Variants in DEPTOR observed in about 807,000 individuals in gnomAD.
DEPTOR encodes the protein DEP domain containing MTOR interacting protein, also known as DEP domain-containing mTOR-interacting protein.
DEPTOR carries 41 observed loss-of-function variants against 41.6 expected under a neutral mutation model. The ratio of observed to expected loss-of-function variants is 0.98; its 90% CI spans 0.77 to 1.28. The LOEUF is 1.28. Among genes scored for constraint, DEPTOR ranks in the 50% most tolerant of loss-of-function variants. DEPTOR has a pLI of 0.00. For missense variants in DEPTOR, 514 were observed against 527.9 expected (o/e 0.97, Z 0.26); for synonymous variants, 195 against 192.3 (o/e 1.01, Z -0.12).
At chr8:119,932,516 A>C (rs1417543337) in intron 3 of DEPTOR, among the ~76,000 whole-genome samples, 4 of 152,182 alleles carry the variant, frequency 2.6e-5, no homozygotes, top group Non-Finnish European at 5.9e-5. Flanking sequence ...GTCACACAGC[A>C]CTGTGTATCT....
chr8:119,993,525 A>G (rs1332666239), intron 4 of DEPTOR, among the ~76,000 whole-genome samples: 1 of 152,224 alleles, frequency 6.6e-6, no homozygotes. Context: ...GGAACATTAG[A>G]TATTGAATGT....
rs1827195916 is a variant in DEPTOR, at chr8:119,873,852, G to A, written c.6G>A (p.Glu2=). ...AGCCGCACGGCCCTAAAACCATGGA[G>A]GAGGGCGGCAGCACTGGCAGTGCTG... The part of the protein sequence containing the change: M[E]EGGSTGSAGS... The change falls in exon 1 of 9, where the codon GAG becomes GAA. Residue 2 remains glutamate, a synonymous_variant. Transcript: ENST00000286234. The A allele has an allele frequency of 6.2e-7, 1 of 1,613,154 alleles. No homozygotes were observed. The highest frequency in any genetic ancestry group is 1.1e-5 in the South Asian group (1 of 91,030).
At position 119,903,705 on chromosome 8, in the gene DEPTOR, C is replaced by T. The variant is rs184705267; in HGVS notation, c.123-24695C>T. ...AATCCAGACTGACTCCTCTGGAGAC[C>T]GAGTGGCCTCTGAGGTAACCTACAG... On this transcript the variant is annotated intron_variant, in intron 1 of 8. Coordinates refer to ENST00000286234, the MANE Select transcript of DEPTOR (RefSeq NM_022783.4). Among the ~76,000 whole-genome samples, 373 of 152,234 alleles carry T rather than the reference C, an allele frequency of 2.5e-3. 2 individuals carry two copies. The highest frequency in any genetic ancestry group is 8.0e-3 in the African/African-American group (331 of 41,542).
intron 8 of DEPTOR, among the ~76,000 whole-genome samples, chr8:120,045,206 A>G (rs909597307): frequency 3.0e-4 from 46 of 152,274 alleles, no homozygotes; most frequent in Admixed American, 3.0e-3. Flanking sequence ...GTGGGAACGC[A>G]AGGGAGTGAG....
intron 4 of DEPTOR, among the ~76,000 whole-genome samples, chr8:119,989,397 G>A (rs1394950771): frequency 6.6e-6 from 1 of 152,186 alleles, no homozygotes. Flanking sequence ...CCACTCTCTT[G>A]TTTTGCAAGC....
chr8:119,885,302 G>A (rs570266360), intron 1 of DEPTOR, among the ~76,000 whole-genome samples: 61 of 152,270 alleles, frequency 4.0e-4, no homozygotes, highest in African/African-American at 1.3e-3. Flanking sequence ...AGTGTGAAAT[G>A]CCCCTTAATC....
chr8:119,896,507 T>TGTTTG lies in DEPTOR; in HGVS notation c.122+22543_122+22544insGGTTT, dbSNP rs557200441. ...TCTTTGTTTCTTTGTGTTTTTGTTT[T>TGTTTG]GTTTTGTTTTGAGCCTGAGTCTCGC... On this transcript the variant is annotated intron_variant, in intron 1 of 8. Coordinates refer to ENST00000286234, the MANE Select transcript of DEPTOR (RefSeq NM_022783.4). Among the ~76,000 whole-genome samples the TGTTTG allele has an allele frequency of 2.8e-3, 381 of 137,492 alleles. 2 individuals are homozygous for TGTTTG. Among genetic ancestry groups the TGTTTG allele is most frequent in the African/African-American group, 0.01 (355 of 34,496 alleles). The allele number at this position is 137,492 out of a possible 152,430, so 90.2% of individuals were successfully genotyped here. A position where few individuals can be genotyped will look rare whatever the true frequency, so the allele number is the denominator to read the frequency against.
intron 3 of DEPTOR, among the ~76,000 whole-genome samples, chr8:119,931,203 A>G (rs779341713): frequency 1.2e-4 from 18 of 151,930 alleles, no homozygotes; most frequent in Non-Finnish European, 1.0e-4. Context: ...AGAGTGAGAC[A>G]TCATCTCAAA....
At chr8:119,961,810 A>T (rs1673088004) in intron 3 of DEPTOR, among the ~76,000 whole-genome samples, 1 of 152,224 alleles carries the variant, frequency 6.6e-6, no homozygotes, top group Admixed American at 6.5e-5. Context: ...TATTATTATT[A>T]GTTTCAAAGG....
At chr8:119,965,450 C>G in intron 4 of DEPTOR, 40 bp downstream of exon 4, 1 of 1,594,438 alleles carries the variant, frequency 6.3e-7, no homozygotes, top group South Asian at 1.1e-5. Flanking sequence ...GAACAAACAG[C>G]CAGCCCCAAA....
chr8:119,886,205 T>A (rs1311098983), intron 1 of DEPTOR, among the ~76,000 whole-genome samples: 1 of 152,220 alleles, frequency 6.6e-6, no homozygotes, highest in Non-Finnish European at 1.5e-5. Flanking sequence ...AGCTCCTTCA[T>A]GTGCCAGCTC....
intron 3 of DEPTOR, among the ~76,000 whole-genome samples, chr8:119,946,447 T>A (rs1586627309): frequency 6.7e-6 from 1 of 150,192 alleles, no homozygotes; most frequent in Non-Finnish European, 1.5e-5. Flanking sequence ...TTTTTTTTTT[T>A]AATGTTCTCT....
chr8:119,994,502 C>G (rs546497479), intron 4 of DEPTOR, among the ~76,000 whole-genome samples: 1 of 152,276 alleles, frequency 6.6e-6, no homozygotes, highest in East Asian at 1.9e-4. Context: ...GTCAACTTCT[C>G]AAGTTTGAAT....
rs539950904 is a variant in DEPTOR, at chr8:119,940,697, G to A, written c.425+10759G>A. ...GGAGGTTGCAGTGAGCCGAAATCGC[G>A]CCATTGCACTCCAGCGTGGGTGACG... On this transcript the variant is annotated intron_variant, in intron 3 of 8. Transcript: ENST00000286234. Among the ~76,000 whole-genome samples the A allele has an allele frequency of 7.2e-5, 11 of 152,132 alleles. No individual in the cohort carries two copies. The South Asian group carries it at 2.1e-3, about 29-fold the overall frequency.
At chr8:119,935,211 T>C (rs1441196360) in intron 3 of DEPTOR, among the ~76,000 whole-genome samples, 1 of 152,186 alleles carries the variant, frequency 6.6e-6, no homozygotes, top group African/African-American at 2.4e-5. Context: ...TAATTTTGCA[T>C]GGGCACAAGT....
In DEPTOR at chr8:120,004,702, C is replaced by T. The variant is rs567591330; in HGVS notation, c.925+1591C>T. On this transcript the variant is annotated intron_variant, in intron 6 of 8. Coordinates refer to ENST00000286234, the MANE Select transcript of DEPTOR (RefSeq NM_022783.4). ...AGGCAGAAGAAAAAGGTCTCGTTTC[C>T]TTTCGTGGGTCCCCAAGGACAAGAG... 1.3e-3 allele frequency among the ~76,000 whole-genome samples: 195 copies of T among 152,236 alleles called. 1 individual carries two copies. Among genetic ancestry groups the T allele is most frequent in the African/African-American group, 4.3e-3 (178 of 41,556 alleles).
At position 120,009,249 on chromosome 8, in the gene DEPTOR, C is replaced by T. The variant is rs1036283786; in HGVS notation, c.1101+116C>T. ...TCTTATTTTGTGTCCTTTTCTATTT[C>T]TGCCCTCTCTTTCTTGTTCTCCAAA... is the stretch of plus-strand genomic sequence containing the variant. On this transcript the variant is annotated intron_variant, in intron 8 of 8. Coordinates refer to ENST00000286234, the MANE Select transcript of DEPTOR (RefSeq NM_022783.4). 5.8e-6 allele frequency: 5 copies of T among 859,740 alleles called. No individual in the cohort carries two copies. In the Admixed American group the frequency reaches 1.1e-4, roughly 19 times the overall value. 53.3% of individuals were successfully genotyped at this position (859,740 alleles called of 1,614,324 possible).
At chr8:120,003,418 A>T (rs1313162410) in intron 6 of DEPTOR, among the ~76,000 whole-genome samples, 1 of 152,086 alleles carries the variant, frequency 6.6e-6, no homozygotes, top group Non-Finnish European at 1.5e-5. Context: ...TTGGCCACTT[A>T]TTAGGTATTG....
intron 1 of DEPTOR, among the ~76,000 whole-genome samples, chr8:119,916,919 C>T (rs746704053): frequency 3.3e-5 from 5 of 152,164 alleles, no homozygotes; most frequent in African/African-American, 7.2e-5. Context: ...AGGCGTGTGC[C>T]GCCACACGTA....
Sources: gnomAD v4.1 joint callset for allele counts (sites outside exome capture counted in the v4.1 genomes callset) on GRCh38, gnomAD v4.1.1 for gene constraint, MANE v1.5 for transcripts, NCBI Gene and HGNC (gene_info 2026-07-23, HGNC 2026-07-21) for gene names.